The following TARS3 variants were observed in gnomAD, a reference collection of about 807,000 sequenced individuals.
TARS3 encodes the protein threonyl-tRNA synthetase 3.
Under a neutral mutation model 103.5 loss-of-function variants are expected in TARS3, and 94 were observed. The ratio of observed to expected loss-of-function variants is 0.91; its 90% CI spans 0.77 to 1.08. The LOEUF is 1.08. TARS3 is among the 50% of genes least tolerant of loss of function. TARS3 has a pLI of 0.00. For missense variants in TARS3, 952 were observed against 995.2 expected, an observed-to-expected ratio of 0.96 and a Z score of 0.58; for synonymous variants, 416 against 355.4, an observed-to-expected ratio of 1.17 and a Z score of -1.92.
chr15:101,677,389 G>C (rs920362498), intron 12 of TARS3, among the ~76,000 whole-genome samples: 7 of 152,044 alleles, frequency 4.6e-5, no homozygotes, highest in African/African-American at 1.7e-4. Context: ...GGAGCTCCTG[G>C]TTCTCAGGCC....
chr15:101,719,498 A>G (rs998506250), intron 3 of TARS3, among the ~76,000 whole-genome samples: 1 of 152,194 alleles, frequency 6.6e-6, no homozygotes, highest in Non-Finnish European at 1.5e-5. Context: ...TCCATAAACC[A>G]TTCCTCTCTT....
rs1293305397 is a variant in TARS3, at chr15:101,724,251, T to C, written c.137A>G (p.Glu46Gly). The change falls in exon 1 of 19, where the codon GAG becomes GGG. Residue 46 changes from glutamate (E) to glycine (G), a missense_variant. Glu to Gly is a moderately conservative substitution (Grantham distance 98). Around this residue, in one of 2 missense-constraint regions of TARS3, gnomAD observed 412 missense variants for 364.2 expected, o/e 1.13. Coordinates refer to ENST00000335968, the MANE Select transcript of TARS3 (RefSeq NM_152334.3). ...QLNAPYSCQA[E>G]GPCLTREVAQ... The stretch of plus-strand genomic sequence containing the variant: ...CACCTCCCGCGTGAGGCACGGCCCC[T>C]CCGCCTGGCAGCTGTAGGGCGCGTT... 6.4e-7 allele frequency: 1 copy of C among 1,559,228 alleles called. No individual in the cohort carries two copies.
intron 10 of TARS3, among the ~76,000 whole-genome samples, chr15:101,696,892 T>C (rs568457085): frequency 9.2e-5 from 14 of 152,334 alleles, no homozygotes; most frequent in African/African-American, 3.4e-4. Context: ...GGTTGGTTTA[T>C]AAAGGCTGCA....
At chr15:101,674,675 G>A (rs1041352732) in intron 13 of TARS3, among the ~76,000 whole-genome samples, 1 of 151,956 alleles carries the variant, frequency 6.6e-6, no homozygotes, top group Non-Finnish European at 1.5e-5. Context: ...GTGTGGTGGC[G>A]GGGGCCTATA....
chr15:101,723,370 A>G (rs1327251147), intron 1 of TARS3, among the ~76,000 whole-genome samples: 2 of 152,180 alleles, frequency 1.3e-5, no homozygotes, highest in Admixed American at 6.5e-5. Context: ...CACATTTAAT[A>G]TATTGTGCTC....
chr15:101,722,150 T>C (rs1900498878), intron 2 of TARS3, among the ~76,000 whole-genome samples: 1 of 151,614 alleles, frequency 6.6e-6, no homozygotes, highest in South Asian at 2.1e-4. Context: ...CTATCTAACT[T>C]CTCCTTAGCT....
Position 101,724,191 on chromosome 15 carries a change from T to G in TARS3, c.197A>C (p.His66Pro), listed in dbSNP as rs1402209923. ...GCACAGCCGCAGGCTGCACAGGCGG[T>G]GGCGCAGGTCGCAGTTCTCGGCCCG... ...QLRAENCDLR[H>P]RLCSLRLCLA... is the part of the protein sequence containing the mutation. The change falls in exon 1 of 19, where the codon CAC (histidine) becomes CCC (proline). Residue 66 changes from histidine (H) to proline (P), a missense_variant. Physicochemically the swap from His to Pro is moderately conservative, Grantham distance 77. Around this residue, in one of 2 missense-constraint regions of TARS3, gnomAD observed 412 missense variants for 364.2 expected, o/e 1.13. Coordinates refer to ENST00000335968, the MANE Select transcript of TARS3 (RefSeq NM_152334.3). 3 of 1,519,948 alleles carry G rather than the reference T, an allele frequency of 2.0e-6. No homozygotes were observed. The highest frequency in any genetic ancestry group is 2.6e-5 in the East Asian group (1 of 38,604). The allele number at this position is 1,519,948 out of a possible 1,614,324, so 94.2% of individuals were successfully genotyped here. A position where few individuals can be genotyped will look rare whatever the true frequency, so the allele number is the denominator to read the frequency against.
At position 101,666,474 on chromosome 15, in the gene TARS3, C is replaced by CAA. The variant is rs11450994; in HGVS notation, c.1968-4660_1968-4659dup. On this transcript the variant is annotated intron_variant, in intron 15 of 18. Transcript: ENST00000335968. ...CTGGGCAACAGAGCAAGACTCATCT[C>CAA]AAAAAAAAAAAAAAAAAAAAAAAGA... Among the ~76,000 whole-genome samples, 422 of 43,598 alleles carry CAA rather than the reference C, an allele frequency of 9.7e-3. 1 individual carries two copies. The highest frequency in any genetic ancestry group is 0.013 in the Non-Finnish European group (259 of 20,498). The allele number at this position is 43,598 out of a possible 152,430, so 28.6% of individuals were successfully genotyped here.
Position 101,705,704 on chromosome 15 carries a change from G to A in TARS3, c.974C>T (p.Thr325Ile). The change falls in exon 7 of 19, where the codon ACT becomes ATT. Residue 325 changes from threonine (T) to isoleucine (I), a missense_variant. Thr to Ile is a moderately conservative substitution (Grantham distance 89). Transcript: ENST00000335968. ...KCRILNEKVN[T>I]ATTTVYRCGP... is the part of the protein sequence containing the mutation. ...AAACCTGTACACGGTGGTAGTTGCA[G>A]TGTTAACTTTCTCATTCAGAATGCG... The A allele has an allele frequency of 6.2e-7, 1 of 1,611,364 alleles. No individual in the cohort carries two copies. Among genetic ancestry groups the A allele is most frequent in the South Asian group, 1.1e-5 (1 of 90,464 alleles).
rs765310519 is a variant in TARS3, at chr15:101,661,720, G to A, written c.2064C>T (p.Gly688=). 3.4e-5 allele frequency: 55 copies of A among 1,594,986 alleles called. No homozygotes were observed. Among genetic ancestry groups the A allele is most frequent in the Middle Eastern group, 1.8e-4 (1 of 5,636 alleles). ...RMIAILSENY[G]GKWPFWLSPR... is the part of the protein sequence containing the mutation. ...TTTTCCATATCACTTACCATTTTCC[G>A]CCATAGTTTTCTGAAAGAATGGCTA... The change falls in exon 16 of 19, where the codon GGC becomes GGT. Residue 688 remains glycine, a synonymous_variant. Coordinates refer to ENST00000335968, the MANE Select transcript of TARS3 (RefSeq NM_152334.3).
intron 12 of TARS3, among the ~76,000 whole-genome samples, chr15:101,679,475 T>C (rs1898166323): frequency 6.7e-6 from 1 of 149,852 alleles, no homozygotes; most frequent in South Asian, 2.2e-4. Context: ...TCTATTTCTT[T>C]CCTGAGATTT....
chr15:101,657,303 A>G (rs570228422), intron 17 of TARS3, among the ~76,000 whole-genome samples: 1 of 152,360 alleles, frequency 6.6e-6, no homozygotes, highest in East Asian at 1.9e-4. Flanking sequence ...CAGGCAAGCA[A>G]GCACCCAGGT....
At chr15:101,678,253 C>T (rs1292487747) in intron 12 of TARS3, among the ~76,000 whole-genome samples, 1 of 152,166 alleles carries the variant, frequency 6.6e-6, no homozygotes, top group African/African-American at 2.4e-5. Context: ...GCTGGAATTA[C>T]AGGCATGAGC....
chr15:101,661,966 T>C, intron 15 of TARS3, 150 bp from the exon 16 acceptor site: 4 of 474,248 alleles, frequency 8.4e-6, no homozygotes, highest in Non-Finnish European at 1.1e-5. Flanking sequence ...TGTTTTCTCA[T>C]TGCTTTCTTT....
At chr15:101,685,476 G>A (rs879773648) in intron 11 of TARS3, among the ~76,000 whole-genome samples, 1 of 152,122 alleles carries the variant, frequency 6.6e-6, no homozygotes, top group Non-Finnish European at 1.5e-5. Flanking sequence ...AAATGTGGAA[G>A]AAAAATGGTA....
chr15:101,705,239 A>G (rs1489176886), intron 7 of TARS3, among the ~76,000 whole-genome samples: 1 of 152,216 alleles, frequency 6.6e-6, no homozygotes, highest in Non-Finnish European at 1.5e-5. Context: ...TCTCATCATG[A>G]GTATCCTGCT....
At chr15:101,707,712 G>A (rs1899641432) in intron 6 of TARS3, among the ~76,000 whole-genome samples, 1 of 152,128 alleles carries the variant, frequency 6.6e-6, no homozygotes, top group Admixed American at 6.5e-5. Context: ...GGAATGGGGA[G>A]CTAATGTTTA....
chr15:101,653,762 A>G lies in TARS3; in HGVS notation c.*820T>C, dbSNP rs903792887. The stretch of plus-strand genomic sequence containing the variant: ...TTCTTGTTTGGTAGCTGAATTCTCT[A>G]TTGACATAATGCCATTTTAATTCAG... On this transcript the variant is annotated 3_prime_UTR_variant, in exon 19 of 19. Transcript: ENST00000335968. 7 of 152,210 alleles carry G rather than the reference A, an allele frequency of 4.6e-5. No homozygotes were observed. The highest frequency in any genetic ancestry group is 1.0e-4 in the Non-Finnish European group (7 of 68,042). 9.4% of individuals were successfully genotyped at this position (152,210 alleles called of 1,614,324 possible).
intron 1 of TARS3, 37 bp downstream of exon 1, chr15:101,724,054 G>C: frequency 7.5e-7 from 1 of 1,328,394 alleles, no homozygotes; most frequent in Non-Finnish European, 9.6e-7. Flanking sequence ...GGCCCGCCCC[G>C]CCCGCGTCCT....
Sources: allele counts gnomAD v4.1 joint callset (sites outside exome capture counted in the v4.1 genomes callset), GRCh38; gene constraint gnomAD v4.1.1; regional missense constraint gnomAD v4.1.1; transcripts MANE v1.5; gene names NCBI Gene and HGNC (gene_info 2026-07-23, HGNC 2026-07-21).